Variants in SLC39A6 observed in about 807,000 individuals in gnomAD.
SLC39A6 encodes the protein solute carrier family 39 member 6.
Under a neutral mutation model 63.5 loss-of-function variants are expected in SLC39A6, and 51 were observed. The ratio of observed to expected loss-of-function variants is 0.80; its 90% CI spans 0.64 to 1.01. SLC39A6 has a LOEUF of 1.01. Ranked by LOEUF, SLC39A6 falls within the 50% of genes least tolerant of loss-of-function variation. SLC39A6 has a pLI of 0.00. For synonymous variants in SLC39A6, 318 were observed against 324.7 expected, an observed-to-expected ratio of 0.98 and a Z score of 0.22; for missense variants, 805 against 927.8, an observed-to-expected ratio of 0.87 and a Z score of 1.72.
At position 36,126,990 on chromosome 18, in the gene SLC39A6, A is replaced by T; in HGVS notation, c.18T>A (p.Ser6=). The change falls in exon 2 of 10, where the codon TCT becomes TCA. Residue 6 remains serine (S), a synonymous_variant. Coordinates refer to ENST00000269187, the MANE Select transcript of SLC39A6 (RefSeq NM_012319.4). ...GGGCAAAGGTCAGGATCAAGATTAC[A>T]GATAACTTCCTCGCCATTGCGCCTT... The part of the protein sequence containing the change: MARKL[S]VILILTFALS... 1 of 1,611,424 alleles carries T rather than the reference A, an allele frequency of 6.2e-7. No individual in the cohort carries two copies. Among genetic ancestry groups the T allele is most frequent in the South Asian group, 1.1e-5 (1 of 90,972 alleles).
intron 4 of SLC39A6, 36 bp from the exon 5 acceptor site, chr18:36,122,306 C>T: frequency 6.6e-7 from 1 of 1,510,672 alleles, no homozygotes; most frequent in South Asian, 1.2e-5. Context: ...ATAAATTCAT[C>T]AGTTTCACAC....
intron 7 of SLC39A6, among the ~76,000 whole-genome samples, chr18:36,113,295 C>T (rs922702053): frequency 2.6e-5 from 4 of 151,726 alleles, no homozygotes; most frequent in Admixed American, 6.6e-5. Context: ...GATAAGGTCT[C>T]ACTATGCTGT....
Position 36,114,494 on chromosome 18 carries a change from G to A in SLC39A6, c.1466-20C>T. 2 of 1,577,720 alleles carry A rather than the reference G, an allele frequency of 1.3e-6. No homozygotes were observed. Among genetic ancestry groups the A allele is most frequent in the Non-Finnish European group, 8.6e-7 (1 of 1,162,214 alleles). On this transcript the variant is annotated intron_variant, in intron 6 of 9. Transcript: ENST00000269187. ...CAGTTCCTAGGAATAAACATAAAGG[G>A]CATGGGGACAGTTAGAAGGCTTTGT...
intron 5 of SLC39A6, among the ~76,000 whole-genome samples, chr18:36,121,152 T>C (rs2089389993): frequency 6.9e-6 from 1 of 145,676 alleles, no homozygotes; most frequent in Admixed American, 7.0e-5. Flanking sequence ...ATCACTTTTC[T>C]TTTCTTTTTT....
chr18:36,119,810 A>G (rs182562611), intron 5 of SLC39A6, among the ~76,000 whole-genome samples: 1 of 152,120 alleles, frequency 6.6e-6, no homozygotes, highest in East Asian at 1.9e-4. Context: ...AAATCCAGGA[A>G]TTTGAAGCGC....
rs958979789 is a variant in SLC39A6, at chr18:36,108,563, A to C, written c.*1030T>G. 3 of 152,232 alleles carry C rather than the reference A, an allele frequency of 2.0e-5. No individual in the cohort carries two copies. Among genetic ancestry groups the C allele is most frequent in the Non-Finnish European group, 4.4e-5 (3 of 68,040 alleles). The allele number at this position is 152,232 out of a possible 1,614,324, so 9.4% of individuals were successfully genotyped here. A position where few individuals can be genotyped will look rare whatever the true frequency, so the allele number is the denominator to read the frequency against. On this transcript the variant is annotated 3_prime_UTR_variant, in exon 10 of 10. Transcript: ENST00000269187. Reference sequence around the variant, plus strand: ...GATATAAGGAATTTATTGTGTAAAAAAGAAACATCTAGAGAATGCCACAGA... The same window carrying C: ...GATATAAGGAATTTATTGTGTAAAACAGAAACATCTAGAGAATGCCACAGA...
At chr18:36,113,297 C>T (rs1458637838) in intron 7 of SLC39A6, among the ~76,000 whole-genome samples, 4 of 151,780 alleles carry the variant, frequency 2.6e-5, no homozygotes, top group Admixed American at 6.6e-5. Flanking sequence ...TAAGGTCTCA[C>T]TATGCTGTCT....
chr18:36,111,898 AAAG>A (rs1188452381), intron 8 of SLC39A6, among the ~76,000 whole-genome samples: 2 of 152,262 alleles, frequency 1.3e-5, no homozygotes, highest in African/African-American at 4.8e-5. Context: ...ATTTGGCCAC[AAAG>A]AAGGGAGGAA....
At chr18:36,115,685 T>C (rs1457036864) in intron 6 of SLC39A6, among the ~76,000 whole-genome samples, 1 of 152,150 alleles carries the variant, frequency 6.6e-6, no homozygotes, top group African/African-American at 2.4e-5. Flanking sequence ...ACAAGCCTTA[T>C]GTGCTCCCAG....
intron 2 of SLC39A6, among the ~76,000 whole-genome samples, chr18:36,125,254 A>T (rs548392849): frequency 1.3e-5 from 2 of 151,662 alleles, no homozygotes; most frequent in East Asian, 3.9e-4. Context: ...AATAAAACAA[A>T]CCTGTACCGG....
At chr18:36,125,196 G>C (rs755737122) in intron 2 of SLC39A6, among the ~76,000 whole-genome samples, 42 of 152,202 alleles carry the variant, frequency 2.8e-4, no homozygotes, top group Admixed American at 5.2e-4. Flanking sequence ...TCTGCAATGA[G>C]AGGATATTAA....
In SLC39A6 at chr18:36,114,325, T is replaced by C; in HGVS notation, c.1615A>G (p.Lys539Glu). 1.2e-6 allele frequency: 2 copies of C among 1,614,206 alleles called. No individual in the cohort carries two copies. Residue 539 changes from lysine to glutamate, a missense_variant, in exon 7 of 10, where the codon AAA (lysine) becomes GAA (glutamate). This residue lies in a region of SLC39A6 where 639 missense variants were observed against 644.0 expected (regional missense o/e 0.99). Coordinates refer to ENST00000269187, the MANE Select transcript of SLC39A6 (RefSeq NM_012319.4). ...GTATCGTGGAAATGTGAATGGCATT[T>C]ATTCTTGCACCCTCTGGGTACATAT... ...NEYVPRGCKN[K>E]CHSHFHDTLG...
At chr18:36,118,667 C>T (rs139058551) in intron 5 of SLC39A6, among the ~76,000 whole-genome samples, 18 of 152,292 alleles carry the variant, frequency 1.2e-4, no homozygotes, top group Non-Finnish European at 2.5e-4. Flanking sequence ...CAATAGAACT[C>T]TGTTGAGAAT....
intron 9 of SLC39A6, 96 bp downstream of exon 9, chr18:36,110,963 C>A: frequency 6.6e-7 from 1 of 1,514,338 alleles, no homozygotes; most frequent in Non-Finnish European, 8.8e-7. Context: ...CCACTTCCTG[C>A]TCCCCCAAAA....
In SLC39A6 at chr18:36,122,174, C is replaced by T. The variant is rs1476176781; in HGVS notation, c.1237G>A (p.Glu413Lys). Residue 413 changes from glutamate (E) to lysine (K), a missense_variant, in exon 5 of 10, where the codon GAA becomes AAA. Physicochemically the swap from Glu to Lys is moderately conservative, Grantham distance 56. This residue lies in a region of SLC39A6 where 639 missense variants were observed against 644.0 expected (regional missense o/e 0.99). Coordinates refer to ENST00000269187, the MANE Select transcript of SLC39A6 (RefSeq NM_012319.4). ...GTGGAATCAAAATAGGCACTTTCTT[C>T]TATGTTTTGAGAAGACAGATGACTG... ...LFSHLSSQNI[E>K]ESAYFDSTWK... The T allele has an allele frequency of 6.2e-7, 1 of 1,613,906 alleles. No individual in the cohort carries two copies. Among genetic ancestry groups the T allele is most frequent in the African/African-American group, 1.3e-5 (1 of 74,918 alleles).
intron 9 of SLC39A6, among the ~76,000 whole-genome samples, chr18:36,110,536 T>TA (rs11381606): frequency 0.42 from 62,940 of 151,486 alleles, 14,631 homozygotes; most frequent in East Asian, 0.64. Context: ...AAATCTTTTT[T>TA]AAAAAAATGA....
chr18:36,126,261 T>A lies in SLC39A6; in HGVS notation c.747A>T (p.Lys249Asn), dbSNP rs569125317. The A allele has an allele frequency of 6.2e-7, 1 of 1,614,202 alleles. No individual in the cohort carries two copies. The highest frequency in any genetic ancestry group is 1.1e-5 in the South Asian group (1 of 91,084). Residue 249 changes from lysine to asparagine, a missense_variant, in exon 2 of 10, where the codon AAA (lysine) becomes AAT (asparagine). Physicochemically the swap from Lys to Asn is moderately conservative, Grantham distance 94. Transcript: ENST00000269187. ...TTGTGTTTCTGGAATACATAAAGCC[T>A]TTTCGGGGCTCACTCACAGATTCAT... ...KTNESVSEPR[K>N]GFMYSRNTNE... is the part of the protein sequence containing the mutation.
intron 5 of SLC39A6, among the ~76,000 whole-genome samples, chr18:36,119,135 G>A (rs1013688667): frequency 6.6e-6 from 1 of 152,154 alleles, no homozygotes; most frequent in Non-Finnish European, 1.5e-5. Flanking sequence ...GCCCTGTTAC[G>A]AGCTTGAAGA....
In SLC39A6 at chr18:36,126,721, T is replaced by C. The variant is rs563711184; in HGVS notation, c.287A>G (p.His96Arg). The C allele has an allele frequency of 3.1e-6, 5 of 1,614,148 alleles. No individual in the cohort carries two copies. The highest frequency in any genetic ancestry group is 2.2e-5 in the South Asian group (2 of 91,072). Residue 96 changes from histidine to arginine, a missense_variant, in exon 2 of 10, where the codon CAC (histidine) becomes CGC (arginine). By Grantham distance (29) the His-to-Arg change is conservative (BLOSUM62 0). This residue lies in a region of SLC39A6 where 639 missense variants were observed against 644.0 expected (regional missense o/e 0.99). Transcript: ENST00000269187. ...ATGCTCGTGGTCTGAGTGATGGTCG[T>C]GGTCATGGTGTATATGGATTCTTTT... ...KIKRIHIHHD[H>R]DHHSDHEHHS...
Sources: allele counts gnomAD v4.1 joint callset (sites outside exome capture counted in the v4.1 genomes callset), GRCh38; gene constraint gnomAD v4.1.1; regional missense constraint gnomAD v4.1.1; transcripts MANE v1.5; gene names NCBI Gene and HGNC (gene_info 2026-07-23, HGNC 2026-07-21).